HIP1R: variants seen among roughly 807,000 people sequenced by gnomAD.
The protein encoded by HIP1R is huntingtin-interacting protein 1-related protein.
In HIP1R, 135 loss-of-function variants were observed where a neutral mutation model predicts 144.2. The observed-to-expected ratio is 0.94, with a 90% CI of 0.81 to 1.08. The LOEUF is 1.08. HIP1R is among the 50% of genes least tolerant of loss of function. The pLI is 0.00. For synonymous variants in HIP1R, 698 were observed against 612.8 expected (o/e 1.14, Z -2.05); for missense variants, 1,462 against 1,432.8 (o/e 1.02, Z -0.33).
At position 122,854,940 on chromosome 12, in the gene HIP1R, C is replaced by G. The variant is rs145314622; in HGVS notation, c.754C>G (p.Arg252Gly). 6.2e-7 allele frequency: 1 copy of G among 1,612,188 alleles called. No individual in the cohort carries two copies. The highest frequency in any genetic ancestry group is 2.2e-5 in the East Asian group (1 of 44,864). Residue 252 changes from arginine to glycine, a missense_variant, in exon 9 of 32, where the codon CGG becomes GGG. Transcript: ENST00000253083. The stretch of plus-strand genomic sequence containing the variant: ...GGACACCCTGCAAGGCCACAGGGAC[C>G]GGTTCCACGAGCAGTTTCACAGGTA... ...PADTLQGHRD[R>G]FHEQFHSLRN...
rs199534720 is a variant in HIP1R, at chr12:122,858,079, GTCCTC to G, written c.1816-21_1816-17del. ...TGGCCTTGGGGAGGATCTCTAACCT[GTCCTC>G]TTCACCCCCATTGCCAGGAGTCTCA... On this transcript the variant is annotated intron_variant, in intron 18 of 31. Transcript: ENST00000253083. 2.6e-4 allele frequency: 360 copies of G among 1,378,778 alleles called. 4 individuals carry two copies. In the East Asian group the frequency reaches 8.7e-3, roughly 33 times the overall value. 85.4% of individuals were successfully genotyped at this position (1,378,778 alleles called of 1,614,324 possible).
At chr12:122,859,295 C>T in intron 22 of HIP1R, 98 bp downstream of exon 22, 1 of 1,488,534 alleles carries the variant, frequency 6.7e-7, no homozygotes, top group Non-Finnish European at 9.2e-7. Context: ...TGCGTGGAGC[C>T]TGCAGCCTCA....
chr12:122,858,820 CCCCA>C lies in HIP1R; in HGVS notation c.2051-10_2051-7del. On this transcript the variant is annotated splice_polypyrimidine_tract_variant and intron_variant, in intron 20 of 31. Transcript: ENST00000253083. ...CAGTGTCATCCTCCCCCAACCTTGGCCCCACCCACCCGCACAGACGCCTCCGCCC... is the reference window on the plus strand; with the variant it reads ...CAGTGTCATCCTCCCCCAACCTTGGCCCCACCCGCACAGACGCCTCCGCCC... 6.4e-7 allele frequency: 1 copy of C among 1,551,844 alleles called. No homozygotes were observed. The highest frequency in any genetic ancestry group is 8.9e-7 in the Non-Finnish European group (1 of 1,125,000).
chr12:122,849,785 C>T (rs1425870427), intron 4 of HIP1R, 90 bp from the exon 5 acceptor site: 7 of 825,432 alleles, frequency 8.5e-6, no homozygotes, highest in East Asian at 4.9e-5. Context: ...AAGAAGTGCC[C>T]GGTGGTGGGT....
At chr12:122,858,750 T>C in intron 20 of HIP1R, 88 bp from the exon 21 acceptor site, 1 of 942,242 alleles carries the variant, frequency 1.1e-6, no homozygotes, top group Admixed American at 1.7e-5. Context: ...TTCCTCCTCC[T>C]CCTGGGATAG....
intron 22 of HIP1R, 84 bp from the exon 23 acceptor site, chr12:122,859,342 C>A: frequency 6.8e-7 from 1 of 1,479,828 alleles, no homozygotes; most frequent in Non-Finnish European, 9.4e-7. Flanking sequence ...TCCTCGATCC[C>A]TGTGGTCCCC....
intron 1 of HIP1R, among the ~76,000 whole-genome samples, chr12:122,837,983 A>T (rs982713582): frequency 6.6e-6 from 1 of 152,088 alleles, no homozygotes; most frequent in African/African-American, 2.4e-5. Context: ...CCTTTGTAAT[A>T]CGCTGCTTGT....
Position 122,855,357 on chromosome 12 carries a change from G to A in HIP1R, c.945G>A (p.Pro315=), listed in dbSNP as rs756003322. Residue 315 remains proline (P), a synonymous_variant, in exon 11 of 32, where the codon CCG becomes CCA. Transcript: ENST00000253083. ...AGGAGGCCCCGGAAGATGAGGAGCC[G>A]GAGAATCTCATTGAGATCAGCACAG... ...IPEEAPEDEE[P]ENLIEISTGP... The A allele has an allele frequency of 3.6e-5, 57 of 1,602,506 alleles. No homozygotes were observed. The highest frequency in any genetic ancestry group is 3.5e-4 in the African/African-American group (26 of 74,590).
chr12:122,861,134 C>T lies in HIP1R; in HGVS notation c.2894C>T (p.Thr965Ile), dbSNP rs753746165. The T allele has an allele frequency of 1.2e-6, 2 of 1,613,368 alleles. No individual in the cohort carries two copies. Residue 965 changes from threonine to isoleucine, a missense_variant, in exon 30 of 32, where the codon ACC becomes ATC. By Grantham distance (89) the Thr-to-Ile change is moderately conservative. Around this residue, in one of 2 missense-constraint regions of HIP1R, gnomAD observed 1,112 missense variants for 1,011.7 expected, o/e 1.10. Transcript: ENST00000253083. ...CCCCCTTGTCCTCCGGCCACAGACACCATGGATTTCTCCGGCCTGTCCCTC... is the reference window on the plus strand; with the variant it reads ...CCCCCTTGTCCTCCGGCCACAGACATCATGGATTTCTCCGGCCTGTCCCTC... ...SGQEQIEDRD[T>I]MDFSGLSLIK...
rs1315395515 is a variant in HIP1R, at chr12:122,836,025, T to C, written c.93+382T>C. ...GTGCGCGAGCCCAGCGCGCCGGGGG[T>C]CGAGGGGGCTGGGGATCCAGGTGCT... On this transcript the variant is annotated intron_variant, in intron 1 of 31. Coordinates refer to ENST00000253083, the MANE Select transcript of HIP1R (RefSeq NM_003959.3). This position sits in a 1 kb window ranked among gnomAD's most constrained non-coding sequence, Gnocchi z 4.1. 6.6e-6 allele frequency among the ~76,000 whole-genome samples: 1 copy of C among 150,648 alleles called. No homozygotes were observed. Among genetic ancestry groups the C allele is most frequent in the East Asian group, 2.0e-4 (1 of 5,068 alleles).
chr12:122,839,974 G>GT (rs1175462358), intron 1 of HIP1R, among the ~76,000 whole-genome samples: 1 of 152,250 alleles, frequency 6.6e-6, no homozygotes, highest in Non-Finnish European at 1.5e-5. Flanking sequence ...ACATTTACGT[G>GT]TATAGGAGTG....
In HIP1R at chr12:122,856,693, CCG is replaced by C. The variant is rs1307158371; in HGVS notation, c.1593_1594del (p.Gln532GlyfsTer263). On this transcript the variant is annotated frameshift_variant, in exon 17 of 32. Transcript: ENST00000253083. LOFTEE classifies it high-confidence loss of function. Reference sequence around the variant, plus strand: ...TGGAGGCCAAGGCCGGAGAGCTGGCCCGCGCGCAGGAGGCCCTGAGCCACACA... The same window carrying C: ...TGGAGGCCAAGGCCGGAGAGCTGGCCCGCGCAGGAGGCCCTGAGCCACACA... ...ELEAKAGELA[R>X]AQEALSHTEQ... 2 of 1,592,166 alleles carry C rather than the reference CCG, an allele frequency of 1.3e-6. No individual in the cohort carries two copies. The highest frequency in any genetic ancestry group is 2.7e-5 in the African/African-American group (2 of 74,628).
intron 8 of HIP1R, 66 bp from the exon 9 acceptor site, chr12:122,854,839 A>C (rs2033514352): frequency 1.3e-6 from 2 of 1,520,038 alleles, no homozygotes; most frequent in African/African-American, 1.4e-5. Context: ...CGGAGGAACA[A>C]GGCAGGGCAG....
rs753202025 is a variant in HIP1R at position 122,857,050 on chromosome 12, C to T, written c.1650C>T (p.Asp550=). The part of the protein sequence containing the change: ...QSKSELSSRL[D]TLSAEKDALS... The stretch of plus-strand genomic sequence containing the variant: ...AGTCGGAGCTGAGCTCACGGCTGGA[C>T]ACGCTGAGTGCGGAGAAGGATGCTC... The change falls in exon 18 of 32, where the codon GAC becomes GAT. Residue 550 remains aspartate, a synonymous_variant. Coordinates refer to ENST00000253083, the MANE Select transcript of HIP1R (RefSeq NM_003959.3). 5.2e-6 allele frequency: 8 copies of T among 1,550,704 alleles called. 1 individual carries two copies. In the South Asian group the frequency reaches 7.1e-5, roughly 14 times the overall value.
At chr12:122,856,859 C>T in intron 17 of HIP1R, 133 bp downstream of exon 17, 1 of 1,040,424 alleles carries the variant, frequency 9.6e-7, no homozygotes. Flanking sequence ...GACCCAGACC[C>T]AGGGGCTACA....
At chr12:122,843,657 G>T (rs899595725) in intron 1 of HIP1R, among the ~76,000 whole-genome samples, 5 of 152,150 alleles carry the variant, frequency 3.3e-5, no homozygotes, top group African/African-American at 1.2e-4. Flanking sequence ...ATAAGAGCAG[G>T]CTCAGAGAGT....
intron 7 of HIP1R, chr12:122,853,545 T>C (rs4993320): frequency 0.83 from 85,541 of 102,914 alleles, 36,038 homozygotes; most frequent in Admixed American, 0.9. Context: ...GCAGGGGAGA[T>C]GGGCCCTGGG....
chr12:122,857,283 C>T (rs778881161), intron 18 of HIP1R, 68 bp downstream of exon 18: 171 of 1,397,536 alleles, frequency 1.2e-4, no homozygotes, highest in Middle Eastern at 3.5e-4. Flanking sequence ...GATCTGTCTC[C>T]GTGATCTGCC....
Position 122,855,877 on chromosome 12 carries a change from TCTGAA to T in HIP1R, c.1106_1110del (p.Glu369GlyfsTer24). 2 of 1,544,792 alleles carry T rather than the reference TCTGAA, an allele frequency of 1.3e-6. No individual in the cohort carries two copies. Among genetic ancestry groups the T allele is most frequent in the Non-Finnish European group, 1.8e-6 (2 of 1,140,658 alleles). On this transcript the variant is annotated frameshift_variant, in exon 13 of 32. Coordinates refer to ENST00000253083, the MANE Select transcript of HIP1R (RefSeq NM_003959.3). LOFTEE classifies it high-confidence loss of function. ...GAAGAGAGAGGTGGAAATGCTCCGC[TCTGAA>T]CTGGAGAAGATCAAGCTGGAGGTGC...
Sources: gnomAD v4.1 joint callset for allele counts (sites outside exome capture counted in the v4.1 genomes callset) on GRCh38, gnomAD v4.1.1 for gene constraint, gnomAD v4.1.1 regional missense constraint, Gnocchi (gnomAD v3.1) non-coding constraint, MANE v1.5 for transcripts, NCBI Gene and HGNC (gene_info 2026-07-23, HGNC 2026-07-21) for gene names.